ZNF143: variants seen among roughly 807,000 people sequenced by gnomAD.
The protein encoded by ZNF143 is SPH-binding factor.
ZNF143 carries 49 observed loss-of-function variants against 74.1 expected under a neutral mutation model. The ratio of observed to expected loss-of-function variants is 0.66; its 90% CI spans 0.53 to 0.84. The LOEUF is 0.84. Ranked by LOEUF, ZNF143 falls within the 40% of genes least tolerant of loss-of-function variation. The pLI is 0.00. For synonymous variants in ZNF143, 304 were observed against 282.8 expected, an observed-to-expected ratio of 1.07 and a Z score of -0.75; for missense variants, 637 against 793.4, an observed-to-expected ratio of 0.80 and a Z score of 2.37.
rs1589909073 is a variant in ZNF143 at position 9,496,493 on chromosome 11, G to A, written c.841+115G>A. On this transcript the variant is annotated intron_variant, in intron 9 of 15. Transcript: ENST00000396602. ...CTGAATCTGCAGAAGCACATGATCA[G>A]TTTTTCAGTCTCTCTCATAACTGCC... 18 of 833,886 alleles carry A rather than the reference G, an allele frequency of 2.2e-5. No homozygotes were observed. In the South Asian group the frequency reaches 2.3e-4, roughly 11 times the overall value. The allele number at this position is 833,886 out of a possible 1,614,324, so 51.7% of individuals were successfully genotyped here.
chr11:9,506,019 C>T (rs1366547604), intron 11 of ZNF143, among the ~76,000 whole-genome samples: 1 of 151,844 alleles, frequency 6.6e-6, no homozygotes, highest in Non-Finnish European at 1.5e-5. Flanking sequence ...ATTATTTTTC[C>T]CATTTAAATT....
intron 7 of ZNF143, among the ~76,000 whole-genome samples, chr11:9,489,438 A>G (rs1409337528): frequency 6.6e-6 from 1 of 152,174 alleles, no homozygotes; most frequent in Non-Finnish European, 1.5e-5. Flanking sequence ...TCTCCACTAT[A>G]GACATTAAGA....
intron 1 of ZNF143, among the ~76,000 whole-genome samples, chr11:9,461,464 G>C (rs903191507): frequency 6.6e-6 from 1 of 152,110 alleles, no homozygotes; most frequent in East Asian, 1.9e-4. Context: ...GTCCCCAGGC[G>C]CCGCCGAGGC....
chr11:9,495,489 C>T (rs1158457101), intron 8 of ZNF143, among the ~76,000 whole-genome samples: 3 of 152,172 alleles, frequency 2.0e-5, no homozygotes, highest in African/African-American at 7.2e-5. Context: ...ATTTCACTTG[C>T]TGCTATACAT....
intron 14 of ZNF143, among the ~76,000 whole-genome samples, chr11:9,519,647 T>G (rs1848842314): frequency 2.6e-5 from 4 of 152,250 alleles, no homozygotes. Flanking sequence ...GGTGAACATT[T>G]GAAATGCTTC....
At chr11:9,489,488 A>G (rs1847688175) in intron 7 of ZNF143, among the ~76,000 whole-genome samples, 1 of 152,218 alleles carries the variant, frequency 6.6e-6, no homozygotes, top group African/African-American at 2.4e-5. Context: ...AAAAATGTCC[A>G]ATACTCATCA....
chr11:9,520,493 T>TA (rs897379997), intron 14 of ZNF143, among the ~76,000 whole-genome samples: 5 of 151,282 alleles, frequency 3.3e-5, no homozygotes, highest in East Asian at 1.9e-4. Flanking sequence ...CCCTGTCTTC[T>TA]AAAAAAAATA....
chr11:9,516,320 C>A lies in ZNF143; in HGVS notation c.1644C>A (p.His548Gln), dbSNP rs778360689. The change falls in exon 14 of 16, where the codon CAC (histidine) becomes CAA (glutamine). Residue 548 changes from histidine (H) to glutamine (Q), a missense_variant. Physicochemically the swap from His to Gln is conservative, Grantham distance 24 (BLOSUM62 0). This residue lies in a region of ZNF143 where 344 missense variants were observed against 485.6 expected (regional missense o/e 0.71). Transcript: ENST00000396602. ...CAGTCATCTCCTCAGCAGGAACGCA[C>A]TCTGTTGCTATGGTTACTGCTGAGG... is the stretch of plus-strand genomic sequence containing the variant. ...HDAVISSAGT[H>Q]SVAMVTAEGT... 6.2e-7 allele frequency: 1 copy of A among 1,613,990 alleles called. No homozygotes were observed. The highest frequency in any genetic ancestry group is 1.7e-4 in the Middle Eastern group (1 of 6,060).
At chr11:9,485,668 G>A (rs1483782500) in intron 7 of ZNF143, among the ~76,000 whole-genome samples, 1 of 151,438 alleles carries the variant, frequency 6.6e-6, no homozygotes, top group African/African-American at 2.5e-5. Flanking sequence ...CTTCCTGGCA[G>A]TGCTGATGTG....
chr11:9,471,242 T>C, intron 1 of ZNF143, 60 bp from the exon 2 acceptor site: 2 of 1,383,320 alleles, frequency 1.4e-6, no homozygotes, highest in South Asian at 1.3e-5. Flanking sequence ...AAATATTCTT[T>C]GTAACTTTCA....
chr11:9,473,453 G>A (rs912153000), intron 3 of ZNF143, among the ~76,000 whole-genome samples: 16 of 151,310 alleles, frequency 1.1e-4, no homozygotes, highest in African/African-American at 3.9e-4. Flanking sequence ...ATTAGTGTTT[G>A]CTTTGCTCCA....
intron 11 of ZNF143, among the ~76,000 whole-genome samples, chr11:9,507,578 A>C (rs1427726086): frequency 6.6e-6 from 1 of 152,212 alleles, no homozygotes; most frequent in Non-Finnish European, 1.5e-5. Context: ...AATACTGTGT[A>C]AATGAGCTAC....
chr11:9,495,521 A>G (rs1374680781), intron 8 of ZNF143, among the ~76,000 whole-genome samples: 4 of 152,252 alleles, frequency 2.6e-5, no homozygotes, highest in Admixed American at 6.5e-5. Flanking sequence ...CCATGACTCA[A>G]TAATAGCTAA....
At chr11:9,488,665 C>T (rs1484695827) in intron 7 of ZNF143, among the ~76,000 whole-genome samples, 1 of 152,102 alleles carries the variant, frequency 6.6e-6, no homozygotes, top group Non-Finnish European at 1.5e-5. Context: ...TATAATCCTT[C>T]ATTAATAGCA....
At chr11:9,499,384 A>C (rs1848076747) in intron 10 of ZNF143, among the ~76,000 whole-genome samples, 2 of 152,192 alleles carry the variant, frequency 1.3e-5, no homozygotes, top group South Asian at 4.1e-4. Context: ...CTTGCCCAGG[A>C]TAAACTCTTT....
In ZNF143 at chr11:9,496,352, C is replaced by T; in HGVS notation, c.815C>T (p.Ala272Val). The T allele has an allele frequency of 6.2e-7, 1 of 1,614,036 alleles. No individual in the cohort carries two copies. The highest frequency in any genetic ancestry group is 8.5e-7 in the Non-Finnish European group (1 of 1,180,008). The stretch of plus-strand genomic sequence containing the variant: ...GATCGGCCTTATCAGTGTGAGCATG[C>T]AGGCTGTGGGAAGGCATTTGCAACA... The part of the protein sequence containing the change: ...TGDRPYQCEH[A>V]GCGKAFATGY... The change falls in exon 9 of 16, where the codon GCA (alanine) becomes GTA (valine). Residue 272 changes from alanine (A) to valine (V), a missense_variant. Physicochemically the swap from Ala to Val is moderately conservative, Grantham distance 64. Around this residue, in one of 2 missense-constraint regions of ZNF143, gnomAD observed 344 missense variants for 485.6 expected, o/e 0.71. Coordinates refer to ENST00000396602, the MANE Select transcript of ZNF143 (RefSeq NM_003442.6).
chr11:9,480,093 C>G (rs1417639459), intron 7 of ZNF143, among the ~76,000 whole-genome samples: 1 of 152,156 alleles, frequency 6.6e-6, no homozygotes, highest in Non-Finnish European at 1.5e-5. Flanking sequence ...GCTGGCTTCC[C>G]GTGGTTCAAA....
intron 6 of ZNF143, 97 bp downstream of exon 6, chr11:9,478,683 A>G (rs2133917136): frequency 2.1e-6 from 3 of 1,451,002 alleles, no homozygotes; most frequent in East Asian, 2.3e-5. Flanking sequence ...ATCAAAAAAA[A>G]CCTGGCCAAT....
chr11:9,476,325 A>G (rs1590520239), intron 5 of ZNF143, among the ~76,000 whole-genome samples: 1 of 152,280 alleles, frequency 6.6e-6, no homozygotes, highest in East Asian at 1.9e-4. Flanking sequence ...TAAATGCTCA[A>G]TAAATGTTAC....
Sources: gnomAD v4.1 joint callset for allele counts (sites outside exome capture counted in the v4.1 genomes callset) on GRCh38, gnomAD v4.1.1 for gene constraint, gnomAD v4.1.1 regional missense constraint, MANE v1.5 for transcripts, NCBI Gene and HGNC (gene_info 2026-07-23, HGNC 2026-07-21) for gene names.